DACH1: variants seen among roughly 807,000 people sequenced by gnomAD.
The protein encoded by DACH1 is dachshund family transcription factor 1, also known as dachshund homolog 1.
DACH1 carries 12 observed loss-of-function variants against 54.2 expected under a neutral mutation model. The ratio of observed to expected loss-of-function variants is 0.22; its 90% CI spans 0.14 to 0.36. DACH1 has a LOEUF of 0.36. DACH1 is among the 10% of genes least tolerant of loss of function. The probability of loss-of-function intolerance (pLI) is 1.00; values close to 1 mark genes in which losing one functional copy is unlikely to be tolerated. For synonymous variants in DACH1, 386 were observed against 366.2 expected (o/e 1.05, Z -0.62); for missense variants, 805 against 929.8 (o/e 0.87, Z 1.75).
chr13:71,765,437 G>A (rs568183608), intron 1 of DACH1, among the ~76,000 whole-genome samples: 1 of 152,114 alleles, frequency 6.6e-6, no homozygotes, highest in South Asian at 2.1e-4. Context: ...TAGCCTTCTT[G>A]CCTCCATTTG....
chr13:71,493,460 C>T (rs1030305126), intron 6 of DACH1, among the ~76,000 whole-genome samples: 3 of 152,086 alleles, frequency 2.0e-5, no homozygotes, highest in Admixed American at 1.3e-4. Flanking sequence ...GATTCTTGAG[C>T]CACAGAAACT....
Position 71,573,079 on chromosome 13 carries a change from A to G in DACH1, c.1127-67T>C. 2.7e-6 allele frequency: 4 copies of G among 1,475,142 alleles called. 1 individual carries two copies. In the South Asian group the frequency reaches 5.2e-5, roughly 19 times the overall value. The allele number at this position is 1,475,142 out of a possible 1,614,324, so 91.4% of individuals were successfully genotyped here. On this transcript the variant is annotated intron_variant, in intron 3 of 10. Coordinates refer to ENST00000613252, the MANE Select transcript of DACH1 (RefSeq NM_080759.6). ...TAAATCATTAAAAATTGAAACAGTC[A>G]AAAGTTTTCTAATAATGGTAGTCAA...
intron 1 of DACH1, among the ~76,000 whole-genome samples, chr13:71,797,434 C>G (rs1229009516): frequency 1.3e-5 from 2 of 152,102 alleles, no homozygotes; most frequent in Non-Finnish European, 1.5e-5. Flanking sequence ...TTCCATCAAA[C>G]AGTACATTGA....
At chr13:71,521,253 T>C (rs1246778924) in intron 6 of DACH1, among the ~76,000 whole-genome samples, 1 of 152,050 alleles carries the variant, frequency 6.6e-6, no homozygotes, top group East Asian at 1.9e-4. Context: ...TGTGTGCATG[T>C]AATAGATTTC....
intron 1 of DACH1, among the ~76,000 whole-genome samples, chr13:71,761,928 TTAA>T (rs1487631480): frequency 1.3e-5 from 2 of 152,144 alleles, no homozygotes; most frequent in Non-Finnish European, 2.9e-5. Flanking sequence ...AATATTTATA[TTAA>T]TAAACTATCA....
chr13:71,595,696 G>A (rs1874046407), intron 3 of DACH1, among the ~76,000 whole-genome samples: 1 of 152,046 alleles, frequency 6.6e-6, no homozygotes, highest in African/African-American at 2.4e-5. Flanking sequence ...TGACATTATG[G>A]TGCCAATATG....
intron 1 of DACH1, among the ~76,000 whole-genome samples, chr13:71,827,550 G>A (rs1888427418): frequency 1.3e-5 from 2 of 152,052 alleles, no homozygotes; most frequent in Non-Finnish European, 2.9e-5. Flanking sequence ...CCCAGAGAAT[G>A]AGCTGAGAAC....
chr13:71,557,928 C>G (rs73215210), intron 5 of DACH1, among the ~76,000 whole-genome samples: 1,518 of 145,540 alleles, frequency 0.01, 15 homozygotes, highest in Middle Eastern at 0.037. Flanking sequence ...AATATGACAA[C>G]TAATTGTAGT....
At chr13:71,623,147 T>G (rs1876368799) in intron 3 of DACH1, among the ~76,000 whole-genome samples, 1 of 151,634 alleles carries the variant, frequency 6.6e-6, no homozygotes, top group Non-Finnish European at 1.5e-5. Context: ...TGAAAAATGA[T>G]TTTTTTAATA....
At chr13:71,645,103 T>C (rs557315404) in intron 2 of DACH1, among the ~76,000 whole-genome samples, 11 of 152,318 alleles carry the variant, frequency 7.2e-5, no homozygotes, top group Non-Finnish European at 1.6e-4. Context: ...ATTAAATTAG[T>C]AGAGGGTTTT....
chr13:71,525,569 A>C (rs572008544), intron 6 of DACH1, among the ~76,000 whole-genome samples: 177 of 152,296 alleles, frequency 1.2e-3, no homozygotes, highest in African/African-American at 4.1e-3. Flanking sequence ...ATCTTGGGAA[A>C]GTAATTGAAG....
chr13:71,545,170 C>T (rs1034775514), intron 6 of DACH1, among the ~76,000 whole-genome samples: 1 of 152,020 alleles, frequency 6.6e-6, no homozygotes, highest in African/African-American at 2.4e-5. Flanking sequence ...CTGAAGGTCA[C>T]GGACATTCGC....
chr13:71,780,719 C>T (rs1886335250), intron 1 of DACH1, among the ~76,000 whole-genome samples: 1 of 151,630 alleles, frequency 6.6e-6, no homozygotes, highest in Admixed American at 6.6e-5. Flanking sequence ...AACTTTTACT[C>T]TTCCTTTGGT....
At chr13:71,544,507 C>A (rs1357617288) in intron 6 of DACH1, among the ~76,000 whole-genome samples, 1 of 151,916 alleles carries the variant, frequency 6.6e-6, no homozygotes, top group Non-Finnish European at 1.5e-5. Context: ...GAGAAAATTG[C>A]TCACTTAAAA....
At chr13:71,860,840 TTAAAA>T (rs1403741352) in intron 1 of DACH1, among the ~76,000 whole-genome samples, 2 of 152,026 alleles carry the variant, frequency 1.3e-5, no homozygotes, top group Non-Finnish European at 1.5e-5. Flanking sequence ...CAAATTGTTC[TTAAAA>T]TAACAACTAC....
At chr13:71,697,989 T>C (rs1881915930) in intron 1 of DACH1, among the ~76,000 whole-genome samples, 1 of 152,132 alleles carries the variant, frequency 6.6e-6, no homozygotes, top group Non-Finnish European at 1.5e-5. Flanking sequence ...ACTGAGTAAA[T>C]GATTGATAGA....
At chr13:71,757,865 C>T (rs1376017614) in intron 1 of DACH1, among the ~76,000 whole-genome samples, 3 of 152,074 alleles carry the variant, frequency 2.0e-5, no homozygotes, top group Admixed American at 1.3e-4. Context: ...TTGATAATCA[C>T]AATGGCATTT....
chr13:71,731,899 T>C (rs1324699964), intron 1 of DACH1, among the ~76,000 whole-genome samples: 19 of 152,212 alleles, frequency 1.2e-4, no homozygotes, highest in Non-Finnish European at 2.9e-5. Flanking sequence ...ATTTCAATAC[T>C]CTTTTGCTTC....
At chr13:71,721,403 T>C (rs1243658874) in intron 1 of DACH1, among the ~76,000 whole-genome samples, 4 of 152,238 alleles carry the variant, frequency 2.6e-5, no homozygotes. Flanking sequence ...GAACATATTT[T>C]CATCTACTAA....
Sources: gnomAD v4.1 joint callset for allele counts (sites outside exome capture counted in the v4.1 genomes callset) on GRCh38, gnomAD v4.1.1 for gene constraint, MANE v1.5 for transcripts, NCBI Gene and HGNC (gene_info 2026-07-23, HGNC 2026-07-21) for gene names.